BLNK: variants seen among roughly 807,000 people sequenced by gnomAD.
BLNK encodes B-cell linker protein.
Under a neutral mutation model 73.5 loss-of-function variants are expected in BLNK, and 29 were observed. The ratio of observed to expected loss-of-function variants is 0.39; its 90% CI spans 0.29 to 0.54. BLNK has a LOEUF of 0.54. Among genes scored for constraint, BLNK ranks in the 20% least tolerant of loss-of-function variants. The probability of loss-of-function intolerance (pLI) is 0.61; values close to 1 mark genes in which losing one functional copy is unlikely to be tolerated. For missense variants in BLNK, 460 were observed against 562.8 expected, an observed-to-expected ratio of 0.82 and a Z score of 1.85; for synonymous variants, 176 against 200.8, an observed-to-expected ratio of 0.88 and a Z score of 1.04.
intron 6 of BLNK, among the ~76,000 whole-genome samples, chr10:96,220,315 G>A (rs1297943148): frequency 1.3e-5 from 2 of 152,058 alleles, no homozygotes; most frequent in African/African-American, 4.8e-5. Context: ...ACGAACCCCA[G>A]GTATTTACCC....
At chr10:96,247,077 T>A (rs782485862) in intron 1 of BLNK, 28 bp from the exon 2 acceptor site, 2 of 1,519,448 alleles carry the variant, frequency 1.3e-6, no homozygotes, top group Non-Finnish European at 1.8e-6. Flanking sequence ...AAACATAAGA[T>A]ATTAATAACC....
At chr10:96,227,688 T>G in intron 4 of BLNK, 122 bp from the exon 5 acceptor site, 1 of 1,486,172 alleles carries the variant, frequency 6.7e-7, no homozygotes, top group Non-Finnish European at 9.3e-7. Context: ...GAGGTTGACT[T>G]CAAAAGGCTA....
At chr10:96,260,760 T>A (rs1272699478) in intron 1 of BLNK, among the ~76,000 whole-genome samples, 2 of 152,176 alleles carry the variant, frequency 1.3e-5, no homozygotes, top group Admixed American at 6.5e-5. Context: ...TATGTAGGGG[T>A]AGGGGTGAAA....
At chr10:96,197,923 A>G (rs148505974) in intron 15 of BLNK, among the ~76,000 whole-genome samples, 1 of 150,780 alleles carries the variant, frequency 6.6e-6, no homozygotes, top group African/African-American at 2.4e-5. Flanking sequence ...CAAAAAAAAA[A>G]AGAAAGAAAA....
At chr10:96,210,369 GCTC>G (rs781988974) in intron 8 of BLNK, 13 of 198,982 alleles carry the variant, frequency 6.5e-5, no homozygotes, top group Non-Finnish European at 1.0e-4. Flanking sequence ...CTCAGACAGT[GCTC>G]CTTTATAAGC....
At chr10:96,258,693 C>T (rs1843621733) in intron 1 of BLNK, among the ~76,000 whole-genome samples, 1 of 152,126 alleles carries the variant, frequency 6.6e-6, no homozygotes, top group African/African-American at 2.4e-5. Flanking sequence ...TAAGCCATTG[C>T]TGAGAGAAGC....
rs1221813492 is a variant in BLNK at position 96,189,540 on chromosome 10, C to T, written c.*2433G>A. 2.7e-5 allele frequency: 18 copies of T among 654,602 alleles called. No individual in the cohort carries two copies. The highest frequency in any genetic ancestry group is 4.0e-5 in the Non-Finnish European group (14 of 352,864). The allele number at this position is 654,602 out of a possible 1,614,324, so 40.5% of individuals were successfully genotyped here. On this transcript the variant is annotated 3_prime_UTR_variant, in exon 17 of 17. Coordinates refer to ENST00000224337, the MANE Select transcript of BLNK (RefSeq NM_013314.4). Reference sequence around the variant, plus strand: ...AGAACTAGGCCCTTTTGGTGTTTTACGAGTTTTTTCCTGTTTTTTGAAGGA... The same window carrying T: ...AGAACTAGGCCCTTTTGGTGTTTTATGAGTTTTTTCCTGTTTTTTGAAGGA...
chr10:96,207,395 C>A (rs115403688), intron 10 of BLNK, among the ~76,000 whole-genome samples: 9 of 152,196 alleles, frequency 5.9e-5, no homozygotes, highest in Non-Finnish European at 1.2e-4. Flanking sequence ...ATGACCCCCC[C>A]CTTCTGTGTG....
intron 1 of BLNK, among the ~76,000 whole-genome samples, chr10:96,252,883 G>A (rs932375740): frequency 6.6e-6 from 1 of 152,038 alleles, no homozygotes; most frequent in Non-Finnish European, 1.5e-5. Flanking sequence ...ACTAAGACTC[G>A]ACCTCATCCC....
Position 96,271,376 on chromosome 10 carries a change from G to A in BLNK, c.23C>T (p.Thr8Ile), listed in dbSNP as rs782789507. The stretch of plus-strand genomic sequence containing the variant: ...CCTCAACTTCTGACTGGCGGGGACG[G>A]TTATTTTATTAAGCTTGTCCATTCT... Reference protein sequence around the residue: MDKLNKITVPASQKLRQL... With the variant: MDKLNKIIVPASQKLRQL... Residue 8 changes from threonine (T) to isoleucine (I), a missense_variant, in exon 1 of 17, where the codon ACC (threonine) becomes ATC (isoleucine). Physicochemically the swap from Thr to Ile is moderately conservative, Grantham distance 89. Transcript: ENST00000224337. 1.2e-6 allele frequency: 2 copies of A among 1,614,154 alleles called. No individual in the cohort carries two copies. Among genetic ancestry groups the A allele is most frequent in the Non-Finnish European group, 1.7e-6 (2 of 1,180,014 alleles).
chr10:96,243,185 G>GA (rs201358839), intron 2 of BLNK, among the ~76,000 whole-genome samples: 2,827 of 152,256 alleles, frequency 0.019, 89 homozygotes, highest in African/African-American at 0.063. Context: ...TGTTTAACAG[G>GA]AAAAAATCAG....
chr10:96,216,286 A>T (rs2084063069), intron 7 of BLNK: 1 of 270,652 alleles, frequency 3.7e-6, no homozygotes, highest in South Asian at 5.6e-5. Context: ...ACTCCTCTGC[A>T]GAAACTGTTC....
intron 1 of BLNK, among the ~76,000 whole-genome samples, chr10:96,260,518 ATTAAC>A (rs1430920303): frequency 6.6e-6 from 1 of 152,260 alleles, no homozygotes; most frequent in Non-Finnish European, 1.5e-5. Flanking sequence ...TCTTTTAAAA[ATTAAC>A]TTAATGGGGG....
chr10:96,254,087 C>G (rs1843410030), intron 1 of BLNK, among the ~76,000 whole-genome samples: 1 of 151,204 alleles, frequency 6.6e-6, no homozygotes. Flanking sequence ...CAGGTTTATC[C>G]CCTTCTAGGC....
intron 1 of BLNK, among the ~76,000 whole-genome samples, chr10:96,250,444 G>A (rs1554908856): frequency 9.0e-6 from 1 of 111,714 alleles, no homozygotes; most frequent in Non-Finnish European, 2.1e-5. Flanking sequence ...GAGGAAGAGA[G>A]AAAGAGAGAG....
intron 1 of BLNK, among the ~76,000 whole-genome samples, chr10:96,257,692 C>A (rs1281951123): frequency 2.6e-5 from 4 of 152,218 alleles, no homozygotes; most frequent in Admixed American, 1.3e-4. Flanking sequence ...AATTTAATGT[C>A]ATGCTTTGCT....
chr10:96,245,968 C>G (rs962411621), intron 2 of BLNK, among the ~76,000 whole-genome samples: 3 of 151,712 alleles, frequency 2.0e-5, no homozygotes, highest in Non-Finnish European at 4.4e-5. Context: ...GATTTTTTTT[C>G]CCTGGTGAAT....
intron 1 of BLNK, among the ~76,000 whole-genome samples, chr10:96,259,670 C>CTTTTTTTTTTTTTTTTTTTTTTTT (rs57821919): frequency 3.3e-4 from 15 of 44,870 alleles, no homozygotes; most frequent in Admixed American, 7.7e-4. Context: ...CACACCCTAC[C>CTTTTTTTTTTTTTTTTTTTTTTTT]TTTTTTTTTT....
chr10:96,271,493 C>T lies in BLNK; in HGVS notation c.-95G>A. ...GGGAGCAGCATGGTAAGCCTCTGGT[C>T]TCAAGGGTTCCGGCCACTCAAGTCT... On this transcript the variant is annotated 5_prime_UTR_variant, in exon 1 of 17. Transcript: ENST00000224337. 1.5e-6 allele frequency: 2 copies of T among 1,327,540 alleles called. No homozygotes were observed. Among genetic ancestry groups the T allele is most frequent in the Non-Finnish European group, 2.2e-6 (2 of 920,954 alleles). The allele number at this position is 1,327,540 out of a possible 1,614,324, so 82.2% of individuals were successfully genotyped here.
Sources: gnomAD v4.1 joint callset for allele counts (sites outside exome capture counted in the v4.1 genomes callset) on GRCh38, gnomAD v4.1.1 for gene constraint, MANE v1.5 for transcripts, NCBI Gene and HGNC (gene_info 2026-07-23, HGNC 2026-07-21) for gene names.